Variants in DTNBP1 observed in about 807,000 individuals in gnomAD.
The protein encoded by DTNBP1 is dystrobrevin binding protein 1.
DTNBP1 carries 35 observed loss-of-function variants against 42.8 expected under a neutral mutation model. The observed-to-expected ratio is 0.82, with a 90% confidence interval of 0.63 to 1.09. The LOEUF (loss-of-function observed/expected upper bound fraction) is 1.09, where lower values mean the gene tolerates loss of function less well. Among genes scored for constraint, DTNBP1 ranks in the 50% least tolerant of loss-of-function variants. DTNBP1 has a pLI of 0.00. For missense variants in DTNBP1, 457 were observed against 424.2 expected (o/e 1.08, Z -0.68); for synonymous variants, 171 against 162.2 (o/e 1.05, Z -0.41).
At chr6:15,572,715 G>C (rs62397467) in intron 7 of DTNBP1, among the ~76,000 whole-genome samples, 11,457 of 152,190 alleles carry the variant, frequency 0.075, 598 homozygotes, top group Non-Finnish European at 0.11. Flanking sequence ...TCCCAGTCTG[G>C]CTCTAGATTC....
At chr6:15,652,021 G>A in intron 2 of DTNBP1, 66 bp downstream of exon 2, 2 of 1,387,588 alleles carry the variant, frequency 1.4e-6, no homozygotes, top group African/African-American at 2.8e-5. Flanking sequence ...CTACACAATT[G>A]TGAATACACC....
At chr6:15,536,727 C>T (rs1773251212) in intron 7 of DTNBP1, among the ~76,000 whole-genome samples, 1 of 152,214 alleles carries the variant, frequency 6.6e-6, no homozygotes, top group Non-Finnish European at 1.5e-5. Flanking sequence ...GGGGCACTGC[C>T]TAGTGGAGCT....
chr6:15,661,820 C>T (rs1761651540), intron 1 of DTNBP1, among the ~76,000 whole-genome samples: 1 of 152,228 alleles, frequency 6.6e-6, no homozygotes, highest in African/African-American at 2.4e-5. Context: ...AGTAACAATA[C>T]TGACATGATG....
intron 4 of DTNBP1, among the ~76,000 whole-genome samples, chr6:15,628,458 T>C (rs766923118): frequency 2.2e-5 from 3 of 138,160 alleles, no homozygotes; most frequent in Non-Finnish European, 4.5e-5. Flanking sequence ...CAGGCTGGAG[T>C]GCAGTGGTGC....
intron 7 of DTNBP1, among the ~76,000 whole-genome samples, chr6:15,575,858 G>A (rs1306708018): frequency 6.6e-6 from 1 of 152,194 alleles, no homozygotes; most frequent in Non-Finnish European, 1.5e-5. Context: ...CCTGTGAGGT[G>A]AAGAGCATAA....
At chr6:15,573,770 C>T (rs1041386864) in intron 7 of DTNBP1, among the ~76,000 whole-genome samples, 3 of 152,240 alleles carry the variant, frequency 2.0e-5, no homozygotes, top group Middle Eastern at 6.8e-3. Flanking sequence ...AGCAGTGGTG[C>T]GATCTCGGCT....
rs757600278 is a variant in DTNBP1 at position 15,662,931 on chromosome 6, G to A, written c.-62C>T. On this transcript the variant is annotated 5_prime_UTR_variant, in exon 1 of 10. Transcript: ENST00000344537. Reference sequence around the variant, plus strand: ...GCTGCTGCTGCCTCTGTCGCCCCCTGGGTCCCACGCCGCCAACCCCGCGCT... The same window carrying A: ...GCTGCTGCTGCCTCTGTCGCCCCCTAGGTCCCACGCCGCCAACCCCGCGCT... The A allele has an allele frequency of 4.4e-6, 7 of 1,595,452 alleles. No individual in the cohort carries two copies. Among genetic ancestry groups the A allele is most frequent in the Middle Eastern group, 1.7e-4 (1 of 5,730 alleles).
Position 15,539,388 on chromosome 6 carries a change from A to G in DTNBP1, c.512-5993T>C, listed in dbSNP as rs559514170. Among the ~76,000 whole-genome samples, 5 of 151,856 alleles carry G rather than the reference A, an allele frequency of 3.3e-5. No individual in the cohort carries two copies. The East Asian group carries it at 9.7e-4, about 29-fold the overall frequency. On this transcript the variant is annotated intron_variant, in intron 7 of 9. Transcript: ENST00000344537. Reference sequence around the variant, plus strand: ...GCTCACAGGTTTTGGGCTAGGCCCAACTCAGGTCCTACACTCCTAGCGCCT... The same window carrying G: ...GCTCACAGGTTTTGGGCTAGGCCCAGCTCAGGTCCTACACTCCTAGCGCCT...
At chr6:15,588,453 C>T (rs1225971659) in intron 7 of DTNBP1, among the ~76,000 whole-genome samples, 1 of 152,224 alleles carries the variant, frequency 6.6e-6, no homozygotes. Context: ...CTGACATATG[C>T]ATGAATTCCT....
chr6:15,602,653 T>G (rs1776775463), intron 6 of DTNBP1, among the ~76,000 whole-genome samples: 2 of 152,204 alleles, frequency 1.3e-5, no homozygotes, highest in African/African-American at 4.8e-5. Flanking sequence ...AGACTCTAAA[T>G]TATAATGTAC....
chr6:15,660,258 G>T, intron 1 of DTNBP1: 3 of 848,380 alleles, frequency 3.5e-6, no homozygotes, highest in Non-Finnish European at 5.1e-6. Flanking sequence ...ATAAACACAT[G>T]TGTGCTGTGT....
At chr6:15,579,169 A>C (rs1435173992) in intron 7 of DTNBP1, among the ~76,000 whole-genome samples, 2 of 152,238 alleles carry the variant, frequency 1.3e-5, no homozygotes, top group Non-Finnish European at 2.9e-5. Flanking sequence ...AGATGAATGG[A>C]TAAAGAAAAT....
chr6:15,660,792 T>C lies in DTNBP1; in HGVS notation c.56+2022A>G, dbSNP rs946276873. ...TTCTTACAAAGGTCAGGAGCATGAATGCTTCTGAGGCAACCATGTGACCTA... is the reference window on the plus strand; with the variant it reads ...TTCTTACAAAGGTCAGGAGCATGAACGCTTCTGAGGCAACCATGTGACCTA... On this transcript the variant is annotated intron_variant, in intron 1 of 9. Transcript: ENST00000344537. Among the ~76,000 whole-genome samples, 8 of 152,268 alleles carry C rather than the reference T, an allele frequency of 5.3e-5. No homozygotes were observed. The East Asian group carries it at 7.7e-4, about 15-fold the overall frequency.
At chr6:15,608,200 A>G (rs1235604799) in intron 6 of DTNBP1, among the ~76,000 whole-genome samples, 1 of 152,018 alleles carries the variant, frequency 6.6e-6, no homozygotes, top group Non-Finnish European at 1.5e-5. Context: ...GCCATGTAGC[A>G]TATTATTTCT....
intron 3 of DTNBP1, among the ~76,000 whole-genome samples, chr6:15,638,654 G>A (rs1760163777): frequency 6.6e-6 from 1 of 152,084 alleles, no homozygotes. Flanking sequence ...TTAATAAAGT[G>A]ATCAAAATTA....
intron 6 of DTNBP1, among the ~76,000 whole-genome samples, chr6:15,601,774 G>C (rs984792729): frequency 6.6e-6 from 1 of 151,264 alleles, no homozygotes. Context: ...TGGACCTGGA[G>C]GCAGAGGTTG....
intron 7 of DTNBP1, among the ~76,000 whole-genome samples, chr6:15,583,992 T>C (rs2113588754): frequency 6.6e-6 from 1 of 152,262 alleles, no homozygotes; most frequent in South Asian, 2.1e-4. Flanking sequence ...ACTTAAGACA[T>C]GGTATTAGAA....
chr6:15,565,983 G>A (rs571131912), intron 7 of DTNBP1, among the ~76,000 whole-genome samples: 1 of 152,256 alleles, frequency 6.6e-6, no homozygotes, highest in South Asian at 2.1e-4. Context: ...TTACTAAGAG[G>A]CAGCCTCATG....
intron 6 of DTNBP1, chr6:15,595,023 T>C (rs1366475329): frequency 7.0e-6 from 3 of 429,486 alleles, no homozygotes; most frequent in Non-Finnish European, 1.4e-5. Flanking sequence ...CTCATCCTGC[T>C]CACCCTGCAA....
Sources: gnomAD v4.1 joint callset for allele counts (sites outside exome capture counted in the v4.1 genomes callset) on GRCh38, gnomAD v4.1.1 for gene constraint, MANE v1.5 for transcripts, NCBI Gene and HGNC (gene_info 2026-07-23, HGNC 2026-07-21) for gene names.